RMI2: variants seen among roughly 807,000 people sequenced by gnomAD.
The protein encoded by RMI2 is recQ-mediated genome instability protein 2.
RMI2 carries 11 observed loss-of-function variants against 8.4 expected under a neutral mutation model. That is an observed-to-expected ratio of 1.32 (90% CI 0.83 to 2.18). The LOEUF (loss-of-function observed/expected upper bound fraction) is 2.18. Among genes scored for constraint, RMI2 ranks in the 30% most tolerant of loss-of-function variants. The pLI, the probability that RMI2 is intolerant of heterozygous loss-of-function variation, is 0.00. For missense variants in RMI2, 253 were observed against 207.5 expected, an observed-to-expected ratio of 1.22 and a Z score of -1.35; for synonymous variants, 105 against 93.8, an observed-to-expected ratio of 1.12 and a Z score of -0.69.
chr16:11,347,247 GAGGTCTA>G (rs1384384837), intron 1 of RMI2, among the ~76,000 whole-genome samples: 1 of 152,218 alleles, frequency 6.6e-6, no homozygotes, highest in Non-Finnish European at 1.5e-5. Context: ...TAGAGGATGT[GAGGTCTA>G]AGCTGAGGAG....
rs918779864 is a variant in RMI2 at position 11,345,469 on chromosome 16, G to T, written c.-3G>T. The T allele has an allele frequency of 1.6e-5, 21 of 1,302,408 alleles. No individual in the cohort carries two copies. Among genetic ancestry groups the T allele is most frequent in the Non-Finnish European group, 2.0e-5 (20 of 1,022,802 alleles). The allele number at this position is 1,302,408 out of a possible 1,614,324, so 80.7% of individuals were successfully genotyped here. A position where few individuals can be genotyped will look rare whatever the true frequency, so the allele number is the denominator to read the frequency against. ...GCGGGGCGGAAGGGTGCGGCGAGGC[G>T]GAATGGCGGCGGCTGCGGACTCGTT... is the stretch of plus-strand genomic sequence containing the variant. On this transcript the variant is annotated 5_prime_UTR_variant, in exon 1 of 2. Transcript: ENST00000312499.
intron 1 of RMI2, among the ~76,000 whole-genome samples, chr16:11,347,661 A>T (rs952279399): frequency 4.6e-5 from 7 of 152,108 alleles, no homozygotes; most frequent in African/African-American, 1.7e-4. Flanking sequence ...CTTACCCATC[A>T]GCCTTCCCTC....
At position 11,350,760 on chromosome 16, in the gene RMI2, G is replaced by T; in HGVS notation, c.414G>T (p.Glu138Asp). The change falls in exon 2 of 2, where the codon GAG (glutamate) becomes GAT (aspartate). Residue 138 changes from glutamate to aspartate, a missense_variant. Physicochemically the swap from Glu to Asp is conservative, Grantham distance 45. Coordinates refer to ENST00000312499, the MANE Select transcript of RMI2 (RefSeq NM_152308.3). The stretch of plus-strand genomic sequence containing the variant: ...TCCATGAAAGTATGTGGGAACTGGA[G>T]GTAGAAGATTTACACAGGAATATTC... ...NPIHESMWEL[E>D]VEDLHRNIP 6.2e-7 allele frequency: 1 copy of T among 1,612,538 alleles called. No homozygotes were observed. The highest frequency in any genetic ancestry group is 8.5e-7 in the Non-Finnish European group (1 of 1,179,412).
At position 11,351,025 on chromosome 16, in the gene RMI2, C is replaced by A; in HGVS notation, c.*235C>A. 2.7e-6 allele frequency: 1 copy of A among 369,516 alleles called. No individual in the cohort carries two copies. The highest frequency in any genetic ancestry group is 4.9e-6 in the Non-Finnish European group (1 of 205,778). 22.9% of individuals were successfully genotyped at this position (369,516 alleles called of 1,614,324 possible). On this transcript the variant is annotated 3_prime_UTR_variant, in exon 2 of 2. Transcript: ENST00000312499. ...TGTGTTTGCTGATGAAAAGCAGATG[C>A]TTGTGTTTCATTTTCCTTCCTGGTT...
At chr16:11,350,601 A>T in intron 1 of RMI2, 41 bp from the exon 2 acceptor site, 4 of 1,465,656 alleles carry the variant, frequency 2.7e-6, no homozygotes, top group Non-Finnish European at 3.6e-6. Context: ...AAAGAAGAAA[A>T]AAAAAAAGAA....
intron 1 of RMI2, 118 bp downstream of exon 1, chr16:11,345,884 C>T (rs2141210210): frequency 2.5e-6 from 2 of 808,428 alleles, no homozygotes; most frequent in South Asian, 6.4e-5. Context: ...TGGCCCTCCT[C>T]CGGGCCTCTG....
chr16:11,350,772 A>G lies in RMI2; in HGVS notation c.426A>G (p.Leu142=), dbSNP rs773504621. ...ESMWELEVED[L]HRNIP ...TGTGGGAACTGGAGGTAGAAGATTT[A>G]CACAGGAATATTCCTTAGAGTATGT... The change falls in exon 2 of 2, where the codon TTA becomes TTG. Residue 142 remains leucine (L), a synonymous_variant. Transcript: ENST00000312499. The G allele has an allele frequency of 6.2e-7, 1 of 1,611,526 alleles. No homozygotes were observed. Among genetic ancestry groups the G allele is most frequent in the Admixed American group, 1.7e-5 (1 of 59,384 alleles).
At chr16:11,347,346 C>G (rs1220847662) in intron 1 of RMI2, among the ~76,000 whole-genome samples, 1 of 152,150 alleles carries the variant, frequency 6.6e-6, no homozygotes, top group African/African-American at 2.4e-5. Context: ...CCTAAGGGCC[C>G]TTCCTGCTCA....
chr16:11,348,655 C>G (rs891301620), intron 1 of RMI2: 1 of 152,292 alleles, frequency 6.6e-6, no homozygotes, highest in African/African-American at 2.4e-5. Flanking sequence ...GACAGCTGAT[C>G]TAGGTTTGAG....
In RMI2 at chr16:11,349,599, C is replaced by A. The variant is rs569100970; in HGVS notation, c.296-1043C>A. On this transcript the variant is annotated intron_variant, in intron 1 of 1. Coordinates refer to ENST00000312499, the MANE Select transcript of RMI2 (RefSeq NM_152308.3). This position sits in a 1 kb window ranked among gnomAD's most constrained non-coding sequence, Gnocchi z 4.2. ...GGGGATGGCAAGTGCATTTTCAGAA[C>A]TAGCCTCTGTCACGGAGGGACCCAG... Among the ~76,000 whole-genome samples, 1 of 152,298 alleles carries A rather than the reference C, an allele frequency of 6.6e-6. No individual in the cohort carries two copies. The highest frequency in any genetic ancestry group is 2.1e-4 in the South Asian group (1 of 4,830).
intron 1 of RMI2, among the ~76,000 whole-genome samples, chr16:11,347,050 C>T (rs2070885264): frequency 6.6e-6 from 1 of 152,278 alleles, no homozygotes; most frequent in Non-Finnish European, 1.5e-5. Flanking sequence ...GCATCCATCT[C>T]ACTTGTTCCC....
chr16:11,349,382 A>G lies in RMI2; in HGVS notation c.296-1260A>G, dbSNP rs531925927. 5.2e-5 allele frequency: 8 copies of G among 152,520 alleles called. No individual in the cohort carries two copies. In the East Asian group the frequency reaches 1.4e-3, roughly 26 times the overall value. The allele number at this position is 152,520 out of a possible 1,614,324, so 9.4% of individuals were successfully genotyped here. On this transcript the variant is annotated intron_variant, in intron 1 of 1. Coordinates refer to ENST00000312499, the MANE Select transcript of RMI2 (RefSeq NM_152308.3). The surrounding 1 kb of genome is among the most constrained non-coding windows in gnomAD (Gnocchi z 4.2). ...CTTTGGAGTGGGAGAGGGTGTGGGTAGAACCTACAAGGTCAATTTGTCCCA... is the reference window on the plus strand; with the variant it reads ...CTTTGGAGTGGGAGAGGGTGTGGGTGGAACCTACAAGGTCAATTTGTCCCA...
rs748010448 is a variant in RMI2 at position 11,345,676 on chromosome 16, C to G, written c.205C>G (p.Arg69Gly). ...WMQGRVVMAD[R>G]GEARLRDPSG... The stretch of plus-strand genomic sequence containing the variant: ...GCAGGGCAGGGTAGTGATGGCGGAC[C>G]GCGGCGAGGCTCGGCTGAGGGACCC... The change falls in exon 1 of 2, where the codon CGC (arginine) becomes GGC (glycine). Residue 69 changes from arginine (R) to glycine (G), a missense_variant. Transcript: ENST00000312499. 1 of 1,271,096 alleles carries G rather than the reference C, an allele frequency of 7.9e-7. No homozygotes were observed. The highest frequency in any genetic ancestry group is 9.9e-7 in the Non-Finnish European group (1 of 1,010,152). 78.7% of individuals were successfully genotyped at this position (1,271,096 alleles called of 1,614,324 possible).
rs1052254563 is a variant in RMI2 at position 11,345,505 on chromosome 16, C to T, written c.34C>T (p.Pro12Ser). Reference sequence around the variant, plus strand: ...GGCTGCGGACTCGTTCTCAGGCGGCCCCGCGGGGGTGCGGCTTCCGAGGTC... The same window carrying T: ...GGCTGCGGACTCGTTCTCAGGCGGCTCCGCGGGGGTGCGGCTTCCGAGGTC... ...AAAADSFSGG[P>S]AGVRLPRSPP... Residue 12 changes from proline (P) to serine (S), a missense_variant, in exon 1 of 2, where the codon CCC becomes TCC. Transcript: ENST00000312499. 3 of 1,309,264 alleles carry T rather than the reference C, an allele frequency of 2.3e-6. No homozygotes were observed. The highest frequency in any genetic ancestry group is 2.9e-6 in the Non-Finnish European group (3 of 1,024,306). The allele number at this position is 1,309,264 out of a possible 1,614,324, so 81.1% of individuals were successfully genotyped here. A position where few individuals can be genotyped will look rare whatever the true frequency, so the allele number is the denominator to read the frequency against.
chr16:11,345,495 C>A lies in RMI2; in HGVS notation c.24C>A (p.Phe8Leu). 3 of 1,316,264 alleles carry A rather than the reference C, an allele frequency of 2.3e-6. No homozygotes were observed. Among genetic ancestry groups the A allele is most frequent in the Non-Finnish European group, 2.9e-6 (3 of 1,027,752 alleles). The allele number at this position is 1,316,264 out of a possible 1,614,324, so 81.5% of individuals were successfully genotyped here. A position where few individuals can be genotyped will look rare whatever the true frequency, so the allele number is the denominator to read the frequency against. Residue 8 changes from phenylalanine to leucine, a missense_variant, in exon 1 of 2, where the codon TTC becomes TTA. Coordinates refer to ENST00000312499, the MANE Select transcript of RMI2 (RefSeq NM_152308.3). MAAAADS[F>L]SGGPAGVRLP... ...GAATGGCGGCGGCTGCGGACTCGTT[C>A]TCAGGCGGCCCCGCGGGGGTGCGGC...
At chr16:11,350,110 T>A (rs2070944908) in intron 1 of RMI2, among the ~76,000 whole-genome samples, 1 of 152,212 alleles carries the variant, frequency 6.6e-6, no homozygotes, top group Admixed American at 6.5e-5. Flanking sequence ...GGATGTGTCC[T>A]GTGCACAGAA....
chr16:11,345,901 C>CG (rs2141210263), intron 1 of RMI2, 135 bp downstream of exon 1: 2 of 651,620 alleles, frequency 3.1e-6, no homozygotes, highest in East Asian at 6.9e-5. Flanking sequence ...TCTGCCCCTG[C>CG]GGGTCCCCGC....
intron 1 of RMI2, among the ~76,000 whole-genome samples, chr16:11,347,883 C>A (rs1005027156): frequency 2.0e-4 from 30 of 152,326 alleles, no homozygotes; most frequent in African/African-American, 7.2e-4. Flanking sequence ...TGGGTTCAAG[C>A]GATTCTCATG....
At chr16:11,346,131 C>A (rs1200235481) in intron 1 of RMI2, among the ~76,000 whole-genome samples, 2 of 152,206 alleles carry the variant, frequency 1.3e-5, no homozygotes, top group Non-Finnish European at 2.9e-5. Context: ...TCATCCTTAA[C>A]GTCTCAGCTC....
Sources: allele counts gnomAD v4.1 joint callset (sites outside exome capture counted in the v4.1 genomes callset), GRCh38; gene constraint gnomAD v4.1.1; non-coding constraint Gnocchi (gnomAD v3.1); transcripts MANE v1.5; gene names NCBI Gene and HGNC (gene_info 2026-07-23, HGNC 2026-07-21).